Variants in LTBP1 observed in about 807,000 individuals in gnomAD.
LTBP1 encodes the protein latent transforming growth factor beta binding protein 1.
A neutral mutation model predicts 207.6 loss-of-function variants in LTBP1; 129 were observed. The ratio of observed to expected loss-of-function variants is 0.62; its 90% CI spans 0.54 to 0.72. The LOEUF (loss-of-function observed/expected upper bound fraction) is 0.72, where lower values mean the gene tolerates loss of function less well. Among genes scored for constraint, LTBP1 ranks in the 30% least tolerant of loss-of-function variants. The pLI is 0.00. For synonymous variants in LTBP1, 963 were observed against 833.7 expected, an observed-to-expected ratio of 1.16 and a Z score of -2.67; for missense variants, 2,281 against 2,217.2, an observed-to-expected ratio of 1.03 and a Z score of -0.58.
In LTBP1 at chr2:32,953,065, T is replaced by C. The variant is rs1448083912; in HGVS notation, c.565+4120T>C. 7.9e-5 allele frequency among the ~76,000 whole-genome samples: 12 copies of C among 152,230 alleles called. No homozygotes were observed. In the East Asian group the frequency reaches 2.3e-3, roughly 29 times the overall value. ...CACATCAAATGACTTGTTCTCTCCT[T>C]AGAAAGAAACAGAAAATCGATATTC... On this transcript the variant is annotated intron_variant, in intron 2 of 33. Coordinates refer to ENST00000404816, the MANE Select transcript of LTBP1 (RefSeq NM_206943.4).
At chr2:33,333,617 G>T (rs2149515198) in intron 24 of LTBP1, among the ~76,000 whole-genome samples, 1 of 152,312 alleles carries the variant, frequency 6.6e-6, no homozygotes, top group African/African-American at 2.4e-5. Context: ...GGTATTTGGT[G>T]ACACTATTTG....
At chr2:33,068,627 C>T (rs191479133) in intron 3 of LTBP1, among the ~76,000 whole-genome samples, 12 of 152,270 alleles carry the variant, frequency 7.9e-5, no homozygotes, top group African/African-American at 2.2e-4. Flanking sequence ...CCTTGGCAAC[C>T]ACTGATCTTT....
intron 3 of LTBP1, among the ~76,000 whole-genome samples, chr2:33,099,801 T>G (rs2079610876): frequency 6.6e-6 from 1 of 152,176 alleles, no homozygotes; most frequent in African/African-American, 2.4e-5. Flanking sequence ...TGGGTGCCTC[T>G]CATAGTGCTT....
At chr2:33,082,465 T>C (rs2078490083) in intron 3 of LTBP1, among the ~76,000 whole-genome samples, 1 of 55,886 alleles carries the variant, frequency 1.8e-5, no homozygotes, top group African/African-American at 4.7e-5. Flanking sequence ...TTTTTTTTTT[T>C]TGAGAAGGAG....
intron 8 of LTBP1, among the ~76,000 whole-genome samples, chr2:33,220,482 G>T (rs576471883): frequency 1.5e-4 from 23 of 152,284 alleles, no homozygotes; most frequent in Admixed American, 3.9e-4. Context: ...ATCTGCAAAT[G>T]ATTTCTTAAA....
At chr2:33,203,134 A>G (rs145320988) in intron 7 of LTBP1, among the ~76,000 whole-genome samples, 254 of 152,334 alleles carry the variant, frequency 1.7e-3, no homozygotes, top group African/African-American at 6.0e-3. Flanking sequence ...ACCTGCGTCA[A>G]CAGCTGAAGG....
chr2:32,978,966 C>T (rs1237232555), intron 2 of LTBP1, among the ~76,000 whole-genome samples: 1 of 151,776 alleles, frequency 6.6e-6, no homozygotes, highest in Non-Finnish European at 1.5e-5. Context: ...TCCATTTCTC[C>T]TAGGTTTTCT....
intron 3 of LTBP1, among the ~76,000 whole-genome samples, chr2:33,049,563 G>A (rs909841502): frequency 2.6e-5 from 4 of 152,176 alleles, no homozygotes; most frequent in East Asian, 1.9e-4. Context: ...CAATCATGCC[G>A]CAGTCACTAA....
chr2:33,394,300 T>G (rs527441375), intron 32 of LTBP1, among the ~76,000 whole-genome samples: 9 of 152,338 alleles, frequency 5.9e-5, no homozygotes, highest in African/African-American at 1.9e-4. Flanking sequence ...TTTAGTCTAA[T>G]TAGATCCCAT....
intron 3 of LTBP1, among the ~76,000 whole-genome samples, chr2:33,036,286 T>C (rs1235552849): frequency 6.6e-6 from 1 of 152,124 alleles, no homozygotes; most frequent in Non-Finnish European, 1.5e-5. Flanking sequence ...GTGCCAATGC[T>C]GAATGCTGCT....
chr2:32,986,637 C>T (rs530476440), intron 2 of LTBP1, among the ~76,000 whole-genome samples: 1 of 152,184 alleles, frequency 6.6e-6, no homozygotes, highest in East Asian at 1.9e-4. Context: ...AGCACAGGGC[C>T]CTTCTAAGCA....
At chr2:33,194,938 TG>T (rs2088373572) in intron 7 of LTBP1, among the ~76,000 whole-genome samples, 2 of 152,232 alleles carry the variant, frequency 1.3e-5, no homozygotes, top group Non-Finnish European at 2.9e-5. Flanking sequence ...TTAAGAACTA[TG>T]TTAAATGTAC....
At chr2:33,029,615 A>T (rs2075596270) in intron 3 of LTBP1, among the ~76,000 whole-genome samples, 1 of 152,240 alleles carries the variant, frequency 6.6e-6, no homozygotes, top group African/African-American at 2.4e-5. Flanking sequence ...AAGTGTCTGA[A>T]TGCCTGGCCC....
chr2:33,200,324 T>C (rs1268684434), intron 7 of LTBP1, among the ~76,000 whole-genome samples: 1 of 152,114 alleles, frequency 6.6e-6, no homozygotes, highest in East Asian at 1.9e-4. Context: ...TAATGCCACA[T>C]ATCTACAACT....
At chr2:33,080,023 T>TTTTGC (rs1422693697) in intron 3 of LTBP1, among the ~76,000 whole-genome samples, 1 of 152,000 alleles carries the variant, frequency 6.6e-6, no homozygotes, top group Non-Finnish European at 1.5e-5. Context: ...CACTTTTTTG[T>TTTTGC]TTTGTTTTGT....
At chr2:33,390,035 G>A (rs2150590804) in intron 32 of LTBP1, among the ~76,000 whole-genome samples, 1 of 152,304 alleles carries the variant, frequency 6.6e-6, no homozygotes, top group Middle Eastern at 3.4e-3. Context: ...TTGTATTGCA[G>A]CCTTTTTTTC....
intron 26 of LTBP1, among the ~76,000 whole-genome samples, chr2:33,351,705 C>T (rs2094784199): frequency 6.6e-6 from 1 of 152,156 alleles, no homozygotes; most frequent in Non-Finnish European, 1.5e-5. Context: ...CCAGAGTCGT[C>T]TTCTGAAACA....
chr2:33,352,887 C>G (rs2149857468), intron 26 of LTBP1, among the ~76,000 whole-genome samples: 1 of 152,196 alleles, frequency 6.6e-6, no homozygotes, highest in South Asian at 2.1e-4. Flanking sequence ...CATGGTTACC[C>G]CAAACAATTA....
chr2:33,049,287 A>G (rs2076607497), intron 3 of LTBP1, among the ~76,000 whole-genome samples: 1 of 152,236 alleles, frequency 6.6e-6, no homozygotes, highest in African/African-American at 2.4e-5. Flanking sequence ...AGTTTGTAAG[A>G]CCAATGAAAT....
Sources: allele counts gnomAD v4.1 joint callset (sites outside exome capture counted in the v4.1 genomes callset), GRCh38; gene constraint gnomAD v4.1.1; transcripts MANE v1.5; gene names NCBI Gene and HGNC (gene_info 2026-07-23, HGNC 2026-07-21).